The following FSD1L variants were observed in gnomAD, a reference collection of about 807,000 sequenced individuals.
FSD1L encodes the protein fibronectin type III and SPRY domain containing 1 like, also known as FSD1-like protein.
In FSD1L, 45 loss-of-function variants were observed where a neutral mutation model predicts 71.6. The observed-to-expected ratio is 0.63, with a 90% confidence interval of 0.49 to 0.81. The LOEUF (loss-of-function observed/expected upper bound fraction) is 0.81, where lower values mean the gene tolerates loss of function less well. FSD1L is among the 30% of genes least tolerant of loss of function. The pLI, the probability that FSD1L is intolerant of heterozygous loss-of-function variation, is 0.00. For synonymous variants in FSD1L, 197 were observed against 207.2 expected (o/e 0.95, Z 0.42); for missense variants, 561 against 618.1 (o/e 0.91, Z 0.98).
chr9:105,468,458 C>A, intron 4 of FSD1L, 134 bp downstream of exon 4: 1 of 632,858 alleles, frequency 1.6e-6, no homozygotes, highest in Non-Finnish European at 2.5e-6. Context: ...TTGTTTTGGC[C>A]ATAAGTATTC....
chr9:105,443,186 G>A (rs542957869), upstream of FSD1L, among the ~76,000 whole-genome samples: 61 of 152,324 alleles, frequency 4.0e-4, no homozygotes, highest in Admixed American at 1.1e-3. Flanking sequence ...TTCTCATGCC[G>A]TTGATAAAGA....
chr9:105,491,532 T>C (rs1326038205), intron 7 of FSD1L, among the ~76,000 whole-genome samples: 2 of 152,168 alleles, frequency 1.3e-5, no homozygotes, highest in Non-Finnish European at 2.9e-5. Flanking sequence ...CTTCCAACAC[T>C]ATGTTGAATA....
chr9:105,473,125 T>A (rs1002108695), intron 5 of FSD1L: 7 of 152,054 alleles, frequency 4.6e-5, no homozygotes, highest in Non-Finnish European at 1.0e-4. Context: ...GGCAACATGA[T>A]GAGATCCTGC....
chr9:105,467,269 T>C (rs1831145680), intron 3 of FSD1L, among the ~76,000 whole-genome samples: 1 of 152,216 alleles, frequency 6.6e-6, no homozygotes, highest in African/African-American at 2.4e-5. Context: ...AGTTTGGACA[T>C]ATAATATTAC....
chr9:105,492,448 A>G (rs1230323392), intron 7 of FSD1L, among the ~76,000 whole-genome samples: 1 of 152,174 alleles, frequency 6.6e-6, no homozygotes, highest in East Asian at 1.9e-4. Context: ...TCAAAAAACC[A>G]GGTCCTGGAT....
At chr9:105,469,682 A>C (rs1168745316) in intron 4 of FSD1L, among the ~76,000 whole-genome samples, 2 of 141,762 alleles carry the variant, frequency 1.4e-5, no homozygotes, top group African/African-American at 5.2e-5. Flanking sequence ...TTAACTCCTT[A>C]TCAGGTGTAT....
chr9:105,487,954 C>G (rs1048374257), intron 7 of FSD1L, among the ~76,000 whole-genome samples: 3 of 152,140 alleles, frequency 2.0e-5, no homozygotes, highest in African/African-American at 7.2e-5. Context: ...ACATGCATAG[C>G]CTTCTTCACT....
At chr9:105,489,508 T>TTTA (rs200615092) in intron 7 of FSD1L, among the ~76,000 whole-genome samples, 5 of 152,276 alleles carry the variant, frequency 3.3e-5, no homozygotes, top group Admixed American at 3.3e-4. Flanking sequence ...GTTTTTTTAT[T>TTTA]TTATTATTAT....
chr9:105,539,298 T>C lies in FSD1L; in HGVS notation c.1414T>C (p.Leu472=). 2 of 1,509,402 alleles carry C rather than the reference T, an allele frequency of 1.3e-6. No individual in the cohort carries two copies. The allele number at this position is 1,509,402 out of a possible 1,614,324, so 93.5% of individuals were successfully genotyped here. A position where few individuals can be genotyped will look rare whatever the true frequency, so the allele number is the denominator to read the frequency against. The change falls in exon 13 of 14, where the codon TTG becomes CTG. Residue 472 remains leucine (L), a synonymous_variant. Transcript: ENST00000481272. ...ATTCTATGATGCAAATTCTAAACAGTTGCTATATTCCTTTAAGACAAAATT... is the reference window on the plus strand; with the variant it reads ...ATTCTATGATGCAAATTCTAAACAGCTGCTATATTCCTTTAAGACAAAATT... ...LSFYDANSKQ[L]LYSFKTKFTQ...
intron 1 of FSD1L, 148 bp downstream of exon 1, chr9:105,448,383 C>A: frequency 2.8e-6 from 2 of 702,148 alleles, no homozygotes; most frequent in East Asian, 3.6e-5. Context: ...GCCGCCCGGC[C>A]GCTCTCTGGG....
intron 6 of FSD1L, among the ~76,000 whole-genome samples, chr9:105,481,667 CA>C (rs569421636): frequency 2.3e-3 from 346 of 151,922 alleles, no homozygotes; most frequent in African/African-American, 8.0e-3. Context: ...TGGTACTCGC[CA>C]AAAGTGAGCT....
intron 7 of FSD1L, among the ~76,000 whole-genome samples, chr9:105,491,799 A>G (rs1476749690): frequency 1.3e-5 from 2 of 152,180 alleles, no homozygotes; most frequent in African/African-American, 4.8e-5. Flanking sequence ...GCTGGATTAC[A>G]TTTATTGATT....
Position 105,466,044 on chromosome 9 carries a change from A to C in FSD1L, c.207+1713A>C, listed in dbSNP as rs538830223. ...AAAAACTGTTAGAACTGATAAATTCAGTAAAGTTACAGAATGCAATATCAA... is the reference window on the plus strand; with the variant it reads ...AAAAACTGTTAGAACTGATAAATTCCGTAAAGTTACAGAATGCAATATCAA... On this transcript the variant is annotated intron_variant, in intron 3 of 13. Coordinates refer to ENST00000481272, the MANE Select transcript of FSD1L (RefSeq NM_001145313.3). 3.3e-5 allele frequency among the ~76,000 whole-genome samples: 5 copies of C among 152,336 alleles called. No homozygotes were observed. The East Asian group carries it at 9.6e-4, about 29-fold the overall frequency.
chr9:105,473,841 C>T (rs573146038), intron 5 of FSD1L, among the ~76,000 whole-genome samples: 9 of 152,276 alleles, frequency 5.9e-5, no homozygotes, highest in Admixed American at 2.6e-4. Flanking sequence ...GTTTCACTGT[C>T]CTTTATTCTT....
At chr9:105,453,803 A>G (rs1830201839) in intron 1 of FSD1L, among the ~76,000 whole-genome samples, 1 of 152,202 alleles carries the variant, frequency 6.6e-6, no homozygotes, top group South Asian at 2.1e-4. Flanking sequence ...CAGTAAACAC[A>G]TATTGAATGT....
chr9:105,448,469 T>G (rs1031088513), intron 1 of FSD1L, among the ~76,000 whole-genome samples: 1 of 152,190 alleles, frequency 6.6e-6, no homozygotes, highest in Non-Finnish European at 1.5e-5. Flanking sequence ...CTGCGCGCTG[T>G]CCGGGGCCCT....
chr9:105,545,990 T>A (rs1836976961), intron 13 of FSD1L, among the ~76,000 whole-genome samples: 1 of 152,088 alleles, frequency 6.6e-6, no homozygotes, highest in Non-Finnish European at 1.5e-5. Flanking sequence ...ACCAAAAGCA[T>A]AAGTGGGAAG....
intron 4 of FSD1L, 35 bp from the exon 5 acceptor site, chr9:105,471,864 CTTCAT>C: frequency 1.2e-6 from 1 of 843,480 alleles, no homozygotes; most frequent in South Asian, 2.4e-5. Flanking sequence ...CAATAGGAAA[CTTCAT>C]TTTAATGACT....
intron 1 of FSD1L, among the ~76,000 whole-genome samples, chr9:105,448,668 C>T (rs770561654): frequency 1.2e-4 from 18 of 152,302 alleles, no homozygotes; most frequent in East Asian, 3.9e-4. Context: ...GCTTTCTCCT[C>T]GACCAAGTCT....
Sources: gnomAD v4.1 joint callset for allele counts (sites outside exome capture counted in the v4.1 genomes callset) on GRCh38, gnomAD v4.1.1 for gene constraint, MANE v1.5 for transcripts, NCBI Gene and HGNC (gene_info 2026-07-23, HGNC 2026-07-21) for gene names.